ELFN1: variants seen among roughly 807,000 people sequenced by gnomAD.
ELFN1 encodes the protein protein ELFN1.
ELFN1 carries 6 observed loss-of-function variants against 7.6 expected under a neutral mutation model. That is an observed-to-expected ratio of 0.79 (90% confidence interval 0.43 to 1.56). ELFN1 has a LOEUF of 1.56. ELFN1 is among the 40% of genes most tolerant of loss of function. ELFN1 has a pLI of 0.01. For synonymous variants in ELFN1, 657 were observed against 588.1 expected (o/e 1.12, Z -1.70); for missense variants, 1,169 against 1,232.2 (o/e 0.95, Z 0.77).
At chr7:1,725,594 G>C (rs1310687407) in intron 3 of ELFN1, among the ~76,000 whole-genome samples, 1 of 152,222 alleles carries the variant, frequency 6.6e-6, no homozygotes, top group Admixed American at 6.5e-5. Flanking sequence ...GTGGTTTCCA[G>C]TGTTGTCGGC....
In ELFN1 at chr7:1,746,295, C is replaced by A. The variant is rs1184572855; in HGVS notation, c.1699C>A (p.Gln567Lys). The A allele has an allele frequency of 4.4e-6, 7 of 1,595,728 alleles. No homozygotes were observed. The Admixed American group carries it at 1.2e-4, about 28-fold the overall frequency. The change falls in exon 4 of 4, where the codon CAG becomes AAG. Residue 567 changes from glutamine (Q) to lysine (K), a missense_variant. Physicochemically the swap from Gln to Lys is moderately conservative, Grantham distance 53. This residue lies in a region of ELFN1 where 914 missense variants were observed against 872.6 expected (regional missense o/e 1.05). Transcript: ENST00000424383. ...TIAKEVDKVN[Q>K]IINNCIDALK... is the part of the protein sequence containing the mutation. ...CGCCAAGGAGGTGGACAAGGTCAAC[C>A]AGATCATCAACAACTGCATCGACGC...
intron 1 of ELFN1, among the ~76,000 whole-genome samples, chr7:1,675,863 C>T (rs999421585): frequency 6.6e-6 from 1 of 152,246 alleles, no homozygotes; most frequent in African/African-American, 2.4e-5. Context: ...CCCGCCAGGG[C>T]TGCATGAAGG....
At chr7:1,667,335 T>A (rs1310793259), upstream of ELFN1, among the ~76,000 whole-genome samples, 3 of 151,982 alleles carry the variant, frequency 2.0e-5, no homozygotes, top group East Asian at 5.9e-4. This position sits in a 1 kb window ranked among gnomAD's most constrained non-coding sequence, Gnocchi z 8.2. Flanking sequence ...GCGCAACACA[T>A]TCGCCCGCCC....
intron 3 of ELFN1, among the ~76,000 whole-genome samples, chr7:1,716,038 GGCAAGTCAT>G (rs1242117469): frequency 2.6e-5 from 4 of 152,224 alleles, no homozygotes; most frequent in Admixed American, 6.5e-5. Flanking sequence ...TGCACACAGA[GGCAAGTCAT>G]GTAACCTCTC....
At chr7:1,700,165 A>C (rs760468853) in intron 2 of ELFN1, among the ~76,000 whole-genome samples, 6 of 152,114 alleles carry the variant, frequency 3.9e-5, no homozygotes, top group African/African-American at 4.8e-5. Context: ...ACATCCCCTC[A>C]CAGCCCTGTG....
At chr7:1,720,942 T>C (rs1780003288) in intron 3 of ELFN1, among the ~76,000 whole-genome samples, 1 of 152,170 alleles carries the variant, frequency 6.6e-6, no homozygotes, top group African/African-American at 2.4e-5. Flanking sequence ...CTGTGTCCCT[T>C]ACCAACGTGT....
chr7:1,734,365 C>A (rs1780388992), intron 3 of ELFN1, among the ~76,000 whole-genome samples: 1 of 152,228 alleles, frequency 6.6e-6, no homozygotes, highest in African/African-American at 2.4e-5. Context: ...CGCCACACAT[C>A]ATGTTTTTTA....
chr7:1,700,884 C>G (rs754113070), intron 2 of ELFN1, among the ~76,000 whole-genome samples: 2 of 152,182 alleles, frequency 1.3e-5, no homozygotes, highest in Non-Finnish European at 2.9e-5. Context: ...GGTTTTTGGC[C>G]GTGTGGATGC....
At chr7:1,704,855 C>T (rs992478727) in intron 2 of ELFN1, among the ~76,000 whole-genome samples, 2 of 152,078 alleles carry the variant, frequency 1.3e-5, no homozygotes, top group Non-Finnish European at 2.9e-5. Context: ...CACCAAGGGT[C>T]AGCCCTGTCC....
At chr7:1,732,100 A>T (rs1780336880) in intron 3 of ELFN1, among the ~76,000 whole-genome samples, 1 of 152,218 alleles carries the variant, frequency 6.6e-6, no homozygotes, top group South Asian at 2.1e-4. Context: ...AGGTGGAGAT[A>T]GATGGGAATC....
chr7:1,672,699 C>T lies in ELFN1; in HGVS notation c.-549+2345C>T, dbSNP rs141983301. On this transcript the variant is annotated intron_variant, in intron 1 of 3. Coordinates refer to ENST00000424383, the MANE Select transcript of ELFN1 (RefSeq NM_001128636.4). ...AGGAAAGCCTCCTTCTAAGGTCCCC[C>T]TGAGGTCAGAGCCCCCACCCCAGGA... Among the ~76,000 whole-genome samples, 26 of 152,214 alleles carry T rather than the reference C, an allele frequency of 1.7e-4. No individual in the cohort carries two copies. The East Asian group carries it at 5.0e-3, about 29-fold the overall frequency.
intron 3 of ELFN1, among the ~76,000 whole-genome samples, chr7:1,734,727 G>T (rs980447697): frequency 2.6e-5 from 4 of 151,252 alleles, no homozygotes; most frequent in Admixed American, 2.6e-4. Context: ...TTTGAGACAG[G>T]ATCTCTGTCA....
intron 3 of ELFN1, among the ~76,000 whole-genome samples, chr7:1,736,862 C>G (rs116820553): frequency 1.3e-5 from 2 of 152,118 alleles, no homozygotes; most frequent in Non-Finnish European, 2.9e-5. Flanking sequence ...GGGAGAGGGT[C>G]TCCCAGGAGA....
intron 3 of ELFN1, among the ~76,000 whole-genome samples, chr7:1,711,710 C>T (rs1779663471): frequency 6.6e-6 from 1 of 152,010 alleles, no homozygotes; most frequent in Non-Finnish European, 1.5e-5. Context: ...GTGCTGATCC[C>T]CTACCAGAGC....
At chr7:1,734,353 G>A (rs888323807) in intron 3 of ELFN1, among the ~76,000 whole-genome samples, 3 of 152,188 alleles carry the variant, frequency 2.0e-5, no homozygotes, top group African/African-American at 7.2e-5. Flanking sequence ...TCCCTCCAAC[G>A]GCGCCACACA....
chr7:1,712,852 G>C (rs1472943988), intron 3 of ELFN1, among the ~76,000 whole-genome samples: 1 of 152,180 alleles, frequency 6.6e-6, no homozygotes, highest in Non-Finnish European at 1.5e-5. Context: ...TATCAGGACA[G>C]CTTCAAGTCC....
chr7:1,687,532 T>C (rs1046268502), intron 1 of ELFN1, among the ~76,000 whole-genome samples: 2 of 152,056 alleles, frequency 1.3e-5, no homozygotes, highest in Non-Finnish European at 2.9e-5. Context: ...ATCTCACAAC[T>C]GCATAGGACT....
At chr7:1,726,636 G>C (rs1780204658) in intron 3 of ELFN1, among the ~76,000 whole-genome samples, 2 of 152,194 alleles carry the variant, frequency 1.3e-5, no homozygotes, top group Non-Finnish European at 2.9e-5. Context: ...GTCCAGGGAG[G>C]GCCCCCAAGT....
intron 3 of ELFN1, among the ~76,000 whole-genome samples, chr7:1,737,025 C>A (rs767469979): frequency 6.6e-6 from 1 of 152,138 alleles, no homozygotes; most frequent in Non-Finnish European, 1.5e-5. Context: ...CCCCACCTCC[C>A]GCCCAGCATT....
Sources: gnomAD v4.1 joint callset for allele counts (sites outside exome capture counted in the v4.1 genomes callset) on GRCh38, gnomAD v4.1.1 for gene constraint, gnomAD v4.1.1 regional missense constraint, Gnocchi (gnomAD v3.1) non-coding constraint, MANE v1.5 for transcripts, NCBI Gene and HGNC (gene_info 2026-07-23, HGNC 2026-07-21) for gene names.